Variants in RRP1 observed in about 807,000 individuals in gnomAD.
RRP1 encodes the protein ribosomal RNA processing protein 1 homolog A.
RRP1 carries 37 observed loss-of-function variants against 54.6 expected under a neutral mutation model. The observed-to-expected ratio is 0.68, with a 90% CI of 0.52 to 0.89. RRP1 has a LOEUF of 0.89. Ranked by LOEUF, RRP1 falls within the 40% of genes least tolerant of loss-of-function variation. The probability of loss-of-function intolerance (pLI) is 0.00; values close to 1 mark genes in which losing one functional copy is unlikely to be tolerated. For synonymous variants in RRP1, 262 were observed against 244.3 expected (o/e 1.07, Z -0.67); for missense variants, 639 against 612.5 (o/e 1.04, Z -0.46).
intron 5 of RRP1, among the ~76,000 whole-genome samples, chr21:43,795,840 A>G (rs932232965): frequency 6.6e-6 from 1 of 152,276 alleles, no homozygotes; most frequent in East Asian, 1.9e-4. Flanking sequence ...ATTGCTCCTA[A>G]TTCTAAAAAT....
rs1007775548 is a variant in RRP1 at position 43,800,607 on chromosome 21, A to G, written c.982A>G (p.Ile328Val). ...SQNRKRLYKV[I>V]RKLQDLAGGI... ...GAACAGAAAGCGTCTCTACAAAGTG[A>G]TCCGGAAGTGAGTGTGTGAGGGCGC... The change falls in exon 10 of 13, where the codon ATC (isoleucine) becomes GTC (valine). Residue 328 changes from isoleucine to valine, a missense_variant. Physicochemically the swap from Ile to Val is conservative, Grantham distance 29. Coordinates refer to ENST00000497547, the MANE Select transcript of RRP1 (RefSeq NM_003683.6). 3 of 1,614,168 alleles carry G rather than the reference A, an allele frequency of 1.9e-6. No homozygotes were observed. The highest frequency in any genetic ancestry group is 1.7e-5 in the Admixed American group (1 of 60,026).
At chr21:43,793,261 C>T (rs2084979661) in intron 3 of RRP1, 58 bp from the exon 4 acceptor site, 2 of 1,500,462 alleles carry the variant, frequency 1.3e-6, no homozygotes, top group South Asian at 2.3e-5. Context: ...TCTCACCTCC[C>T]TCCCCAGAGT....
At chr21:43,792,438 AC>A (rs2084970024) in intron 2 of RRP1, among the ~76,000 whole-genome samples, 1 of 151,940 alleles carries the variant, frequency 6.6e-6, no homozygotes, top group African/African-American at 2.4e-5. Context: ...GAGGCTGTTG[AC>A]CCCAGCTGTC....
chr21:43,798,277 G>A (rs2085045277), intron 8 of RRP1, among the ~76,000 whole-genome samples, 177 bp downstream of exon 8: 2 of 151,964 alleles, frequency 1.3e-5, no homozygotes, highest in South Asian at 4.2e-4. Flanking sequence ...AGCACACGTC[G>A]TTTCCCCTCA....
At chr21:43,798,158 C>T (rs1024050618) in intron 8 of RRP1, 58 bp downstream of exon 8, 19 of 1,457,972 alleles carry the variant, frequency 1.3e-5, no homozygotes, top group South Asian at 4.0e-5. Context: ...TGAGCCAGTG[C>T]GATCTCCTGC....
At chr21:43,793,557 C>T in intron 4 of RRP1, 153 bp downstream of exon 4, 1 of 632,486 alleles carries the variant, frequency 1.6e-6, no homozygotes, top group South Asian at 1.8e-5. Context: ...CTGGGCGGTC[C>T]CTGACCAGGG....
rs1377357145 is a variant in RRP1 at position 43,789,863 on chromosome 21, A to G, written c.133+101A>G. The G allele has an allele frequency of 2.3e-6, 3 of 1,328,384 alleles. No individual in the cohort carries two copies. In the African/African-American group the frequency reaches 4.7e-5, roughly 21 times the overall value. 82.3% of individuals were successfully genotyped at this position (1,328,384 alleles called of 1,614,324 possible). A position where few individuals can be genotyped will look rare whatever the true frequency, so the allele number is the denominator to read the frequency against. On this transcript the variant is annotated intron_variant, in intron 1 of 12. Transcript: ENST00000497547. ...CTGGGGGCCCTCCGAGCCCTGTGGA[A>G]CCTCCACGTGGCCGGGCCGGGCAGG...
At chr21:43,803,152 G>A (rs998999017) in intron 12 of RRP1, among the ~76,000 whole-genome samples, 8 of 152,230 alleles carry the variant, frequency 5.3e-5, no homozygotes, top group Admixed American at 2.0e-4. Context: ...CTTTGTAGCC[G>A]GCCCTTGGCT....
At chr21:43,795,783 CT>C (rs1157674491) in intron 5 of RRP1, among the ~76,000 whole-genome samples, 1 of 152,140 alleles carries the variant, frequency 6.6e-6, no homozygotes, top group Non-Finnish European at 1.5e-5. Flanking sequence ...AACTCTTGGG[CT>C]CAAACAATCT....
At position 43,803,984 on chromosome 21, in the gene RRP1, T is replaced by TGTG; in HGVS notation, c.*211_*213dup. The TGTG allele has an allele frequency of 1.7e-6, 1 of 592,924 alleles. No homozygotes were observed. Among genetic ancestry groups the TGTG allele is most frequent in the East Asian group, 3.1e-5 (1 of 32,002 alleles). 36.7% of individuals were successfully genotyped at this position (592,924 alleles called of 1,614,324 possible). On this transcript the variant is annotated 3_prime_UTR_variant, in exon 13 of 13. Coordinates refer to ENST00000497547, the MANE Select transcript of RRP1 (RefSeq NM_003683.6). Reference sequence around the variant, plus strand: ...TTTCCCCAGAGCCTCCGCCTGTGGCTGTGATGACCTTGGGCCAGAAGGTCA... The same window carrying TGTG: ...TTTCCCCAGAGCCTCCGCCTGTGGCTGTGGTGATGACCTTGGGCCAGAAGGTCA...
chr21:43,798,101 G>A lies in RRP1; in HGVS notation c.811+1G>A, dbSNP rs770778757. The A allele has an allele frequency of 3.7e-6, 6 of 1,607,464 alleles. No homozygotes were observed. Among genetic ancestry groups the A allele is most frequent in the Admixed American group, 1.7e-5 (1 of 59,014 alleles). On this transcript the variant is annotated splice_donor_variant, in intron 8 of 12. Coordinates refer to ENST00000497547, the MANE Select transcript of RRP1 (RefSeq NM_003683.6). LOFTEE classifies it high-confidence loss of function. ...AAGAGGTCTGAGAAGCCGCCCGCAG[G>A]TGGGGGTCACACTGCGCCTGGCTTC...
chr21:43,803,202 T>G (rs1012703169), intron 12 of RRP1, among the ~76,000 whole-genome samples: 4 of 152,358 alleles, frequency 2.6e-5, no homozygotes, highest in South Asian at 2.1e-4. Context: ...GACCTGGCAC[T>G]GCCTGGCGTC....
Position 43,803,896 on chromosome 21 carries a change from A to G in RRP1, c.*122A>G, listed in dbSNP as rs1338891922. ...CTCCAGAACTCCTGTGCCAGGCGGGAGGGAAGGGCGGCACTGGAGAGATGG... is the reference window on the plus strand; with the variant it reads ...CTCCAGAACTCCTGTGCCAGGCGGGGGGGAAGGGCGGCACTGGAGAGATGG... On this transcript the variant is annotated 3_prime_UTR_variant, in exon 13 of 13. Transcript: ENST00000497547. 6 of 1,262,942 alleles carry G rather than the reference A, an allele frequency of 4.8e-6. No individual in the cohort carries two copies. In the East Asian group the frequency reaches 1.6e-4, roughly 33 times the overall value. The allele number at this position is 1,262,942 out of a possible 1,614,324, so 78.2% of individuals were successfully genotyped here.
intron 1 of RRP1, 146 bp downstream of exon 1, chr21:43,789,908 C>A (rs2084939211): frequency 9.0e-6 from 9 of 1,004,396 alleles, no homozygotes; most frequent in Non-Finnish European, 1.1e-5. Flanking sequence ...CTGGCCTGTT[C>A]CCGCTGTTAC....
chr21:43,800,709 C>G, intron 10 of RRP1, 95 bp downstream of exon 10: 1 of 1,511,234 alleles, frequency 6.6e-7, no homozygotes, highest in Non-Finnish European at 9.1e-7. Flanking sequence ...TGGGCCCTTC[C>G]GCAGCCCCCG....
intron 4 of RRP1, among the ~76,000 whole-genome samples, chr21:43,793,793 C>T (rs774453489): frequency 2.6e-5 from 4 of 152,188 alleles, no homozygotes; most frequent in Non-Finnish European, 4.4e-5. Context: ...GCTTAGCCTG[C>T]GAGGCTGGGA....
At position 43,804,570 on chromosome 21, in the gene RRP1, T is replaced by C. The variant is rs1055548224; in HGVS notation, c.*796T>C. The C allele has an allele frequency of 6.6e-6, 1 of 152,338 alleles. No individual in the cohort carries two copies. Among genetic ancestry groups the C allele is most frequent in the East Asian group, 1.9e-4 (1 of 5,200 alleles). The allele number at this position is 152,338 out of a possible 1,614,324, so 9.4% of individuals were successfully genotyped here. A position where few individuals can be genotyped will look rare whatever the true frequency, so the allele number is the denominator to read the frequency against. The stretch of plus-strand genomic sequence containing the variant: ...CGGAGAGCTGACAGTAGCCCAGGGC[T>C]TTCCACCTGCATGGAACAAGGGCCT... On this transcript the variant is annotated 3_prime_UTR_variant, in exon 13 of 13. Coordinates refer to ENST00000497547, the MANE Select transcript of RRP1 (RefSeq NM_003683.6). This position sits in a 1 kb window ranked among gnomAD's most constrained non-coding sequence, Gnocchi z 4.3.
At chr21:43,794,484 C>T (rs62230080) in intron 4 of RRP1, among the ~76,000 whole-genome samples, 4,144 of 152,294 alleles carry the variant, frequency 0.027, 74 homozygotes, top group Middle Eastern at 0.082. Context: ...GATAGGCCTC[C>T]TGTGTCTGCA....
chr21:43,803,657 G>T lies in RRP1; in HGVS notation c.1269G>T (p.Arg423Ser). Residue 423 changes from arginine (R) to serine (S), a missense_variant, in exon 13 of 13, where the codon AGG becomes AGT. Arg to Ser is a moderately radical substitution (Grantham distance 110). Coordinates refer to ENST00000497547, the MANE Select transcript of RRP1 (RefSeq NM_003683.6). ...GGGCCCTGCTCCGAGATCAGCCCAGGGGCCGTGGCCAGAGAGGGGCTCGCC... is the reference window on the plus strand; with the variant it reads ...GGGCCCTGCTCCGAGATCAGCCCAGTGGCCGTGGCCAGAGAGGGGCTCGCC... ...AERALLRDQP[R>S]GRGQRGARQR... 2 of 1,551,764 alleles carry T rather than the reference G, an allele frequency of 1.3e-6. No homozygotes were observed. Among genetic ancestry groups the T allele is most frequent in the Admixed American group, 3.9e-5 (2 of 51,168 alleles).
Sources: gnomAD v4.1 joint callset for allele counts (sites outside exome capture counted in the v4.1 genomes callset) on GRCh38, gnomAD v4.1.1 for gene constraint, Gnocchi (gnomAD v3.1) non-coding constraint, MANE v1.5 for transcripts, NCBI Gene and HGNC (gene_info 2026-07-23, HGNC 2026-07-21) for gene names.